SYT16: variants seen among roughly 807,000 people sequenced by gnomAD.
SYT16 encodes synaptotagmin-16.
In SYT16, 42 loss-of-function variants were observed where a neutral mutation model predicts 61.4. That is an observed-to-expected ratio of 0.68 (90% CI 0.53 to 0.89). The LOEUF is 0.89. Among genes scored for constraint, SYT16 ranks in the 40% least tolerant of loss-of-function variants. SYT16 has a pLI of 0.00. For missense variants in SYT16, 804 were observed against 807.3 expected, an observed-to-expected ratio of 1.00 and a Z score of 0.05; for synonymous variants, 314 against 302.3, an observed-to-expected ratio of 1.04 and a Z score of -0.40.
chr14:61,935,455 C>T (rs2049941444), intron 1 of SYT16, among the ~76,000 whole-genome samples: 1 of 152,218 alleles, frequency 6.6e-6, no homozygotes, highest in South Asian at 2.1e-4. Context: ...AGTCCTAAGC[C>T]TTGGTCGCTG....
chr14:61,815,453 C>T (rs183757256), intron 1 of SYT16, among the ~76,000 whole-genome samples: 6 of 152,192 alleles, frequency 3.9e-5, no homozygotes, highest in African/African-American at 1.2e-4. Flanking sequence ...TAAAACCAGG[C>T]GAAATCCAAG....
chr14:61,830,115 T>G (rs552264797), intron 1 of SYT16, among the ~76,000 whole-genome samples: 1 of 152,242 alleles, frequency 6.6e-6, no homozygotes, highest in Non-Finnish European at 1.5e-5. Flanking sequence ...CTGAGCCCAC[T>G]GGTTTTTCCG....
intron 3 of SYT16, among the ~76,000 whole-genome samples, chr14:62,030,854 C>T (rs1174025844): frequency 2.0e-5 from 3 of 152,130 alleles, no homozygotes; most frequent in Non-Finnish European, 4.4e-5. Flanking sequence ...TTATCTGTTG[C>T]ATTTGGTTAT....
chr14:62,036,081 G>A (rs2054494711), intron 3 of SYT16, among the ~76,000 whole-genome samples: 1 of 152,042 alleles, frequency 6.6e-6, no homozygotes, highest in African/African-American at 2.4e-5. Flanking sequence ...AGATTATTTT[G>A]GTAAGTGCTT....
intron 1 of SYT16, among the ~76,000 whole-genome samples, chr14:61,845,149 G>T (rs2046408309): frequency 6.8e-6 from 1 of 147,184 alleles, no homozygotes; most frequent in Non-Finnish European, 1.5e-5. Context: ...CTGGGTTCAA[G>T]TGATTCTCTG....
intron 3 of SYT16, among the ~76,000 whole-genome samples, chr14:62,037,276 A>T (rs2054548726): frequency 1.3e-5 from 2 of 151,870 alleles, no homozygotes; most frequent in Admixed American, 6.6e-5. Flanking sequence ...CTTTGTGTTT[A>T]TGTAACTTCC....
intron 3 of SYT16, among the ~76,000 whole-genome samples, chr14:62,049,254 CT>C (rs1371918587): frequency 6.6e-6 from 1 of 152,098 alleles, no homozygotes; most frequent in East Asian, 1.9e-4. Flanking sequence ...CTCTTTTGAT[CT>C]TTGTTGGTTT....
At chr14:61,911,838 C>T (rs964129030) in intron 1 of SYT16, among the ~76,000 whole-genome samples, 1 of 152,160 alleles carries the variant, frequency 6.6e-6, no homozygotes, top group African/African-American at 2.4e-5. Context: ...TCCTCTGCAC[C>T]TCTCAGGTGA....
rs538434074 is a variant in SYT16, at chr14:61,931,435, GA to G, written c.-324-38690del. On this transcript the variant is annotated intron_variant, in intron 1 of 7. Transcript: ENST00000683842. ...TTTTATTGTAGCCAAATTGATAAAT[GA>G]AAAAAAGTCCACAACGAAGACACTC... Among the ~76,000 whole-genome samples, 834 of 151,936 alleles carry G rather than the reference GA, an allele frequency of 5.5e-3. 13 individuals are homozygous for G. Among genetic ancestry groups the G allele is most frequent in the African/African-American group, 0.019 (785 of 41,462 alleles).
chr14:62,073,074 G>C (rs1349257850), intron 4 of SYT16, among the ~76,000 whole-genome samples: 1 of 151,950 alleles, frequency 6.6e-6, no homozygotes, highest in African/African-American at 2.4e-5. Flanking sequence ...CCTCCTCCTC[G>C]CAACTTGACT....
At chr14:61,930,108 G>GCTGA (rs2049704819) in intron 1 of SYT16, among the ~76,000 whole-genome samples, 2 of 152,146 alleles carry the variant, frequency 1.3e-5, no homozygotes, top group African/African-American at 4.8e-5. Flanking sequence ...ACCTGTGGAT[G>GCTGA]CTGAGTACAA....
intron 5 of SYT16, among the ~76,000 whole-genome samples, chr14:62,078,172 A>AT (rs2056576554): frequency 7.8e-6 from 1 of 128,786 alleles, no homozygotes; most frequent in Non-Finnish European, 1.6e-5. Context: ...TATATATATA[A>AT]ACACACACAC....
chr14:61,865,286 C>CT, intron 1 of SYT16: 2 of 771,266 alleles, frequency 2.6e-6, no homozygotes, highest in Non-Finnish European at 4.6e-6. Flanking sequence ...GCCTCATGCC[C>CT]TACACATCCC....
rs2057500034 is a variant in SYT16 at position 62,105,657 on chromosome 14, G to C, written c.*4950G>C. 6.6e-6 allele frequency: 1 copy of C among 152,166 alleles called. No homozygotes were observed. Among genetic ancestry groups the C allele is most frequent in the East Asian group, 1.9e-4 (1 of 5,198 alleles). The allele number at this position is 152,166 out of a possible 1,614,324, so 9.4% of individuals were successfully genotyped here. On this transcript the variant is annotated 3_prime_UTR_variant, in exon 8 of 8. Transcript: ENST00000683842. ...CTTGTTCTCAAGTGATTCAAACCTT[G>C]AGTAAAAAGGAGAGTTTCTGGAGAA...
chr14:61,904,488 T>C (rs1469004467), intron 1 of SYT16, among the ~76,000 whole-genome samples: 2 of 152,246 alleles, frequency 1.3e-5, no homozygotes, highest in East Asian at 1.9e-4. Flanking sequence ...GGTCACTTCA[T>C]GTTTAGGCTA....
chr14:61,834,212 C>A (rs1190842787), intron 1 of SYT16, among the ~76,000 whole-genome samples: 4 of 151,898 alleles, frequency 2.6e-5, no homozygotes, highest in Admixed American at 2.6e-4. Flanking sequence ...CTCACTGTAA[C>A]CTCCACCTCC....
At chr14:61,963,769 G>T (rs559762139) in intron 1 of SYT16, among the ~76,000 whole-genome samples, 2 of 152,302 alleles carry the variant, frequency 1.3e-5, no homozygotes, top group South Asian at 4.2e-4. Flanking sequence ...GTCAATGCCT[G>T]GCTTCAAACT....
chr14:62,006,892 G>T (rs893248145), intron 3 of SYT16, among the ~76,000 whole-genome samples: 1 of 152,066 alleles, frequency 6.6e-6, no homozygotes, highest in Admixed American at 6.6e-5. Context: ...GCCTGCTAAT[G>T]GAATTAATGT....
intron 1 of SYT16, among the ~76,000 whole-genome samples, chr14:61,883,056 T>G (rs948685116): frequency 6.6e-6 from 1 of 152,214 alleles, no homozygotes; most frequent in Non-Finnish European, 1.5e-5. Context: ...CACAATGTCC[T>G]GAGGCTGCAC....
Sources: allele counts gnomAD v4.1 joint callset (sites outside exome capture counted in the v4.1 genomes callset), GRCh38; gene constraint gnomAD v4.1.1; transcripts MANE v1.5; gene names NCBI Gene and HGNC (gene_info 2026-07-23, HGNC 2026-07-21).